The following DPY19L1 variants were observed in gnomAD, a reference collection of about 807,000 sequenced individuals.
The protein encoded by DPY19L1 is protein C-mannosyl-transferase DPY19L1.
A neutral mutation model predicts 96.9 loss-of-function variants in DPY19L1; 35 were observed. That is an observed-to-expected ratio of 0.36 (90% confidence interval 0.28 to 0.48). The LOEUF is 0.48. DPY19L1 is among the 20% of genes least tolerant of loss of function. The pLI is 0.99. For missense variants in DPY19L1, 521 were observed against 777.9 expected (o/e 0.67, Z 3.93); for synonymous variants, 205 against 252.6 (o/e 0.81, Z 1.79).
intron 6 of DPY19L1, among the ~76,000 whole-genome samples, chr7:34,998,658 G>A (rs2128674788): frequency 6.6e-6 from 1 of 152,326 alleles, no homozygotes; most frequent in East Asian, 1.9e-4. Context: ...AAAGGAGCCT[G>A]GGTCTCCCCA....
intron 6 of DPY19L1, among the ~76,000 whole-genome samples, chr7:35,007,631 T>C (rs992577246): frequency 4.6e-5 from 7 of 152,006 alleles, no homozygotes; most frequent in Non-Finnish European, 7.4e-5. Context: ...TTATAGCAAA[T>C]AGAAGTTTCT....
chr7:34,973,095 T>C (rs1246426991), intron 8 of DPY19L1, among the ~76,000 whole-genome samples: 1 of 152,182 alleles, frequency 6.6e-6, no homozygotes, highest in Non-Finnish European at 1.5e-5. Flanking sequence ...CTATATTCAA[T>C]ATTTGTCAGC....
chr7:34,947,806 C>T (rs1010383490), intron 14 of DPY19L1, 105 bp from the exon 15 acceptor site: 2 of 884,486 alleles, frequency 2.3e-6, no homozygotes, highest in Admixed American at 4.8e-5. Flanking sequence ...GAAATATGAA[C>T]ATTCACCAAT....
At chr7:34,956,817 T>C (rs1229715890) in intron 11 of DPY19L1, among the ~76,000 whole-genome samples, 1 of 152,080 alleles carries the variant, frequency 6.6e-6, no homozygotes, top group Non-Finnish European at 1.5e-5. Flanking sequence ...AATGGGTTTT[T>C]AAATAAATAT....
chr7:35,031,942 C>G (rs757355683), intron 1 of DPY19L1, among the ~76,000 whole-genome samples: 1 of 152,190 alleles, frequency 6.6e-6, no homozygotes, highest in Non-Finnish European at 1.5e-5. Flanking sequence ...TAAACACACT[C>G]TCACAGCTGG....
At chr7:35,010,274 T>A (rs1440902224) in intron 6 of DPY19L1, among the ~76,000 whole-genome samples, 194 bp downstream of exon 6, 1 of 152,148 alleles carries the variant, frequency 6.6e-6, no homozygotes, top group Non-Finnish European at 1.5e-5. Context: ...CAATTCTATT[T>A]ACATCTCTAA....
chr7:34,978,829 G>C (rs1784881163), intron 7 of DPY19L1, among the ~76,000 whole-genome samples: 1 of 152,048 alleles, frequency 6.6e-6, no homozygotes, highest in Non-Finnish European at 1.5e-5. Context: ...GCTCCAATGA[G>C]AATTTCCTTT....
chr7:34,981,073 T>C (rs1195371139), intron 7 of DPY19L1, among the ~76,000 whole-genome samples: 12 of 152,176 alleles, frequency 7.9e-5, no homozygotes, highest in Non-Finnish European at 1.5e-5. Context: ...AAATAGTCTA[T>C]GCATTGATCT....
At chr7:34,936,278 C>T in intron 21 of DPY19L1, among the ~76,000 whole-genome samples, 2 of 151,578 alleles carry the variant, frequency 1.3e-5, no homozygotes, top group Non-Finnish European at 2.9e-5. Flanking sequence ...AAACATGAGA[C>T]TGTTAGAGCT....
In DPY19L1 at chr7:34,947,678, T is replaced by C. The variant is rs1188148769; in HGVS notation, c.1446A>G (p.Thr482=). Residue 482 remains threonine, a synonymous_variant, in exon 15 of 22, where the codon ACA becomes ACG. Coordinates refer to ENST00000638088, the MANE Select transcript of DPY19L1 (RefSeq NM_001366673.1). ...CTACAAGAACAACTGGAAGCAATAATGTCTTTGTGTATCTCAGTGGAGTCT... is the reference window on the plus strand; with the variant it reads ...CTACAAGAACAACTGGAAGCAATAACGTCTTTGTGTATCTCAGTGGAGTCT... The part of the protein sequence containing the change: ...EKETPLRYTK[T]LLLPVVLVVF... 1.1e-5 allele frequency: 17 copies of C among 1,612,458 alleles called. No individual in the cohort carries two copies. The highest frequency in any genetic ancestry group is 1.4e-5 in the Non-Finnish European group (16 of 1,179,224).
intron 8 of DPY19L1, among the ~76,000 whole-genome samples, chr7:34,972,056 C>T (rs1345859880): frequency 6.6e-6 from 1 of 152,162 alleles, no homozygotes; most frequent in Non-Finnish European, 1.5e-5. Flanking sequence ...CAAAGAAGGA[C>T]TTAATCTACC....
chr7:34,980,068 G>A (rs1026649749), intron 7 of DPY19L1, among the ~76,000 whole-genome samples: 2 of 152,066 alleles, frequency 1.3e-5, no homozygotes, highest in South Asian at 4.1e-4. Flanking sequence ...CAGACTAATA[G>A]AACATAATTG....
intron 7 of DPY19L1, among the ~76,000 whole-genome samples, chr7:34,984,339 G>A (rs1440139299): frequency 1.3e-5 from 2 of 152,100 alleles, no homozygotes; most frequent in East Asian, 1.9e-4. Context: ...GGGGCGCAGA[G>A]GCATATACAA....
intron 21 of DPY19L1, among the ~76,000 whole-genome samples, chr7:34,932,080 G>C (rs1382449640): frequency 1.3e-5 from 2 of 152,116 alleles, no homozygotes; most frequent in Admixed American, 1.3e-4. Flanking sequence ...TTGTAAAATG[G>C]GGAAATAAAC....
chr7:34,985,671 A>G (rs1212342623), intron 7 of DPY19L1, among the ~76,000 whole-genome samples: 1 of 152,100 alleles, frequency 6.6e-6, no homozygotes. Context: ...AAGACAAATG[A>G]TAAGTGTTGG....
At position 35,023,313 on chromosome 7, in the gene DPY19L1, T is replaced by C. The variant is rs1008902060; in HGVS notation, c.299-4717A>G. Among the ~76,000 whole-genome samples, 57 of 152,188 alleles carry C rather than the reference T, an allele frequency of 3.7e-4. 2 individuals carry two copies. The highest frequency in any genetic ancestry group is 1.9e-4 in the Non-Finnish European group (13 of 68,034). On this transcript the variant is annotated intron_variant, in intron 1 of 21. Transcript: ENST00000638088. ...GATCTGTAATTTTAAGATTCCCCAGTTGAGTCTAAGGCAAGCTAAAGTTTG... is the reference window on the plus strand; with the variant it reads ...GATCTGTAATTTTAAGATTCCCCAGCTGAGTCTAAGGCAAGCTAAAGTTTG...
At chr7:34,972,710 A>G (rs1166135583) in intron 8 of DPY19L1, among the ~76,000 whole-genome samples, 1 of 152,208 alleles carries the variant, frequency 6.6e-6, no homozygotes, top group Non-Finnish European at 1.5e-5. Context: ...GGTTCACCTT[A>G]TTTGAAGGTG....
intron 7 of DPY19L1, among the ~76,000 whole-genome samples, chr7:34,989,646 A>AC (rs143800034): frequency 0.13 from 11,337 of 90,238 alleles, 486 homozygotes; most frequent in Admixed American, 0.2. Context: ...AACAACAACA[A>AC]AAAAAAAAAA....
rs188923306 is a variant in DPY19L1 at position 34,976,201 on chromosome 7, T to C, written c.823-2596A>G. Among the ~76,000 whole-genome samples, 5 of 152,328 alleles carry C rather than the reference T, an allele frequency of 3.3e-5. No homozygotes were observed. The East Asian group carries it at 7.7e-4, about 23-fold the overall frequency. Reference sequence around the variant, plus strand: ...CAGATACCATTAAAATCATTCTGATTCATGGAAGGAGGCCAAAATATCATC... The same window carrying C: ...CAGATACCATTAAAATCATTCTGATCCATGGAAGGAGGCCAAAATATCATC... On this transcript the variant is annotated intron_variant, in intron 7 of 21. Transcript: ENST00000638088.
Sources: allele counts gnomAD v4.1 joint callset (sites outside exome capture counted in the v4.1 genomes callset), GRCh38; gene constraint gnomAD v4.1.1; transcripts MANE v1.5; gene names NCBI Gene and HGNC (gene_info 2026-07-23, HGNC 2026-07-21).